Variants in CFTR observed in about 807,000 individuals in gnomAD.
The protein encoded by CFTR is CF transmembrane conductance regulator.
CFTR carries 181 observed loss-of-function variants against 171.6 expected under a neutral mutation model. The observed-to-expected ratio is 1.05, with a 90% confidence interval of 0.93 to 1.19. CFTR has a LOEUF of 1.19. Ranked by LOEUF, CFTR falls within the 50% of genes most tolerant of loss-of-function variation. CFTR has a pLI of 0.00. For synonymous variants in CFTR, 583 were observed against 608.0 expected (o/e 0.96, Z 0.60); for missense variants, 1,968 against 1,734.7 (o/e 1.13, Z -2.39).
rs748642635 is a variant in CFTR, at chr7:117,548,774, T to C, written c.1343T>C (p.Ile448Thr). 5 of 1,612,654 alleles carry C rather than the reference T, an allele frequency of 3.1e-6. No homozygotes were observed. The African/African-American group carries it at 4.0e-5, about 13-fold the overall frequency. Residue 448 changes from isoleucine to threonine, a missense_variant, in exon 10 of 27, where the codon ATA becomes ACA. Transcript: ENST00000003084. ...GTCCTGAAAGATATTAATTTCAAGA[T>C]AGAAAGAGGACAGTTGTTGGCGGTT... ...TPVLKDINFKIERGQLLAVAG... is the reference protein window; with the variant it reads ...TPVLKDINFKTERGQLLAVAG...
chr7:117,630,234 G>A (rs1792721017), intron 22 of CFTR, among the ~76,000 whole-genome samples: 1 of 151,978 alleles, frequency 6.6e-6, no homozygotes, highest in Non-Finnish European at 1.5e-5. Flanking sequence ...TACAAGCTTT[G>A]GGCCCCCAAA....
chr7:117,602,027 A>G (rs934122212), intron 15 of CFTR, among the ~76,000 whole-genome samples: 1 of 152,120 alleles, frequency 6.6e-6, no homozygotes, highest in Non-Finnish European at 1.5e-5. Context: ...GTGACTTTTT[A>G]CACTGCTGAA....
chr7:117,662,012 A>G (rs1011547910), intron 24 of CFTR, among the ~76,000 whole-genome samples: 2 of 149,950 alleles, frequency 1.3e-5, no homozygotes, highest in Admixed American at 6.7e-5. Flanking sequence ...AAAAACCCTC[A>G]AATACTGCTG....
chr7:117,482,588 C>A, intron 1 of CFTR, among the ~76,000 whole-genome samples: 1 of 151,994 alleles, frequency 6.6e-6, no homozygotes, highest in African/African-American at 2.4e-5. Context: ...ATGAAAATAA[C>A]ATTTATGAAA....
At chr7:117,635,069 T>C (rs755917444) in intron 22 of CFTR, among the ~76,000 whole-genome samples, 3 of 152,294 alleles carry the variant, frequency 2.0e-5, no homozygotes, top group African/African-American at 7.2e-5. Context: ...CCAACTCTAG[T>C]AGTGAATATT....
Position 117,603,663 on chromosome 7 carries a change from G to T in CFTR, c.2789G>T (p.Gly930Val). The T allele has an allele frequency of 6.2e-7, 1 of 1,614,084 alleles. No individual in the cohort carries two copies. Among genetic ancestry groups the T allele is most frequent in the East Asian group, 2.2e-5 (1 of 44,880 alleles). ...GTAGCCGACACTTTGCTTGCTATGG[G>T]ATTCTTCAGAGGTCTACCACTGGTG... The part of the protein sequence containing the change: ...VGVADTLLAM[G>V]FFRGLPLVHT... Residue 930 changes from glycine (G) to valine (V), a missense_variant, in exon 17 of 27, where the codon GGA becomes GTA. Gly to Val is a moderately radical substitution (Grantham distance 109, BLOSUM62 -3). Coordinates refer to ENST00000003084, the MANE Select transcript of CFTR (RefSeq NM_000492.4).
At chr7:117,585,250 G>C (rs1791913085) in intron 11 of CFTR, among the ~76,000 whole-genome samples, 1 of 150,998 alleles carries the variant, frequency 6.6e-6, no homozygotes, top group Non-Finnish European at 1.5e-5. Context: ...CTTAATATTT[G>C]ATTAACTTCC....
chr7:117,485,710 T>C lies in CFTR; in HGVS notation c.53+5563T>C, dbSNP rs140854467. ...CTGAAAAATCTTTTTTCAGAGTTTT[T>C]CACAGCTGTATTCAAGTTGCAAGGC... On this transcript the variant is annotated intron_variant, in intron 1 of 26. Transcript: ENST00000003084. Among the ~76,000 whole-genome samples, 6 of 152,276 alleles carry C rather than the reference T, an allele frequency of 3.9e-5. No homozygotes were observed. In the East Asian group the frequency reaches 9.6e-4, roughly 24 times the overall value.
Position 117,480,046 on chromosome 7 carries a change from G to A in CFTR, c.-49G>A. 1 of 1,574,658 alleles carries A rather than the reference G, an allele frequency of 6.4e-7. No individual in the cohort carries two copies. Among genetic ancestry groups the A allele is most frequent in the South Asian group, 1.1e-5 (1 of 90,262 alleles). Reference sequence around the variant, plus strand: ...CAGAGTAGTAGGTCTTTGGCATTAGGAGCTTGAGCCCAGACGGCCCTAGCA... The same window carrying A: ...CAGAGTAGTAGGTCTTTGGCATTAGAAGCTTGAGCCCAGACGGCCCTAGCA... On this transcript the variant is annotated 5_prime_UTR_variant, in exon 1 of 27. Coordinates refer to ENST00000003084, the MANE Select transcript of CFTR (RefSeq NM_000492.4).
chr7:117,487,754 A>AT, intron 1 of CFTR: 1 of 152,204 alleles, frequency 6.6e-6, no homozygotes, highest in South Asian at 2.1e-4. Flanking sequence ...AGGCTTAATA[A>AT]TTTCAAAAAG....
chr7:117,667,629 T>A lies in CFTR; in HGVS notation c.*521T>A. 5.0e-6 allele frequency: 1 copy of A among 199,296 alleles called. No homozygotes were observed. 12.3% of individuals were successfully genotyped at this position (199,296 alleles called of 1,614,324 possible). A position where few individuals can be genotyped will look rare whatever the true frequency, so the allele number is the denominator to read the frequency against. ...ACACAACTATATTGTTTGCTAAGCA[T>A]TCCAACTATCTCATTTCCAAGCAAG... is the stretch of plus-strand genomic sequence containing the variant. On this transcript the variant is annotated 3_prime_UTR_variant, in exon 27 of 27. Transcript: ENST00000003084.
chr7:117,663,760 C>G (rs977319047), intron 24 of CFTR, among the ~76,000 whole-genome samples: 1 of 152,172 alleles, frequency 6.6e-6, no homozygotes, highest in Non-Finnish European at 1.5e-5. Flanking sequence ...CTAGACTTCT[C>G]AAGGGCAGGA....
At chr7:117,591,837 T>A in intron 13 of CFTR, 97 bp from the exon 14 acceptor site, 1 of 725,074 alleles carries the variant, frequency 1.4e-6, no homozygotes, top group Non-Finnish European at 2.2e-6. Context: ...ATGATAGAGA[T>A]TATATGCAAT....
At position 117,614,700 on chromosome 7, in the gene CFTR, A is replaced by G; in HGVS notation, c.3455A>G (p.Asp1152Gly). Residue 1152 changes from aspartate to glycine, a missense_variant, in exon 21 of 27, where the codon GAT (aspartate) becomes GGT (glycine). By Grantham distance (94) the Asp-to-Gly change is moderately conservative (BLOSUM62 -1). Coordinates refer to ENST00000003084, the MANE Select transcript of CFTR (RefSeq NM_000492.4). The part of the protein sequence containing the change: ...TLQWAVNSSI[D>G]VDSLMRSVSR... ...CAGTGGGCTGTAAACTCCAGCATAGATGTGGATAGCTTGGTAAGTCTTATC... is the reference window on the plus strand; with the variant it reads ...CAGTGGGCTGTAAACTCCAGCATAGGTGTGGATAGCTTGGTAAGTCTTATC... 6.2e-7 allele frequency: 1 copy of G among 1,610,154 alleles called. No homozygotes were observed. Among genetic ancestry groups the G allele is most frequent in the Non-Finnish European group, 8.5e-7 (1 of 1,176,682 alleles).
At position 117,627,628 on chromosome 7, in the gene CFTR, T is replaced by C; in HGVS notation, c.3575T>C (p.Ile1192Thr). The C allele has an allele frequency of 6.2e-7, 1 of 1,613,508 alleles. No homozygotes were observed. The highest frequency in any genetic ancestry group is 8.5e-7 in the Non-Finnish European group (1 of 1,179,622). The change falls in exon 22 of 27, where the codon ATT (isoleucine) becomes ACT (threonine). Residue 1192 changes from isoleucine (I) to threonine (T), a missense_variant. Physicochemically the swap from Ile to Thr is moderately conservative, Grantham distance 89. Transcript: ENST00000003084. ...YKNGQLSKVM[I>T]IENSHVKKDD... The stretch of plus-strand genomic sequence containing the variant: ...AATGGCCAACTCTCGAAAGTTATGA[T>C]TATTGAGAATTCACACGTGAAGAAA...
chr7:117,658,606 C>T lies in CFTR; in HGVS notation c.3963+5675C>T, dbSNP rs1460402490. 2.6e-5 allele frequency among the ~76,000 whole-genome samples: 4 copies of T among 152,260 alleles called. No homozygotes were observed. The East Asian group carries it at 5.8e-4, about 22-fold the overall frequency. On this transcript the variant is annotated intron_variant, in intron 24 of 26. Coordinates refer to ENST00000003084, the MANE Select transcript of CFTR (RefSeq NM_000492.4). ...CAATAAGTGAGTTCCTTCCCTGCCC[C>T]ACCACATACCTGTCCTGTGTTCCTA...
Position 117,603,701 on chromosome 7 carries a change from A to G in CFTR, c.2827A>G (p.Thr943Ala). Reference sequence around the variant, plus strand: ...TCTACCACTGGTGCATACTCTAATCACAGTGTCGAAAATTTTACACCACAA... The same window carrying G: ...TCTACCACTGGTGCATACTCTAATCGCAGTGTCGAAAATTTTACACCACAA... The part of the protein sequence containing the change: ...RGLPLVHTLI[T>A]VSKILHHKML... Residue 943 changes from threonine to alanine, a missense_variant, in exon 17 of 27, where the codon ACA becomes GCA. Transcript: ENST00000003084. 6.2e-7 allele frequency: 1 copy of G among 1,614,114 alleles called. No individual in the cohort carries two copies. The highest frequency in any genetic ancestry group is 2.2e-5 in the East Asian group (1 of 44,880).
At chr7:117,484,430 G>A (rs1008939594) in intron 1 of CFTR, among the ~76,000 whole-genome samples, 16 of 152,258 alleles carry the variant, frequency 1.1e-4, no homozygotes, top group African/African-American at 3.1e-4. Context: ...CATCCTATAG[G>A]AATTGGAGGG....
At position 117,602,842 on chromosome 7, in the gene CFTR, T is replaced by C. The variant is rs1792246201; in HGVS notation, c.2636T>C (p.Val879Ala). ...CCATTCCAGGTGGCTGCTTCTTTGG[T>C]TGTGCTGTGGCTCCTTGGAAAGTGA... Reference protein sequence around the residue: ...IFLAEVAASLVVLWLLGNTPL... With the variant: ...IFLAEVAASLAVLWLLGNTPL... The change falls in exon 16 of 27, where the codon GTT becomes GCT. Residue 879 changes from valine (V) to alanine (A), a missense_variant. Transcript: ENST00000003084. The C allele has an allele frequency of 6.2e-7, 1 of 1,613,922 alleles. No individual in the cohort carries two copies. The highest frequency in any genetic ancestry group is 1.3e-5 in the African/African-American group (1 of 74,932).
Sources: gnomAD v4.1 joint callset for allele counts (sites outside exome capture counted in the v4.1 genomes callset) on GRCh38, gnomAD v4.1.1 for gene constraint, MANE v1.5 for transcripts, NCBI Gene and HGNC (gene_info 2026-07-23, HGNC 2026-07-21) for gene names.